Variants in MEGF11 observed in about 807,000 individuals in gnomAD.
The protein encoded by MEGF11 is multiple epidermal growth factor-like domains protein 11.
In MEGF11, 126 loss-of-function variants were observed where a neutral mutation model predicts 146.6. The observed-to-expected ratio is 0.86, with a 90% CI of 0.74 to 1.00. MEGF11 has a LOEUF of 1.00. Among genes scored for constraint, MEGF11 ranks in the 50% least tolerant of loss-of-function variants. The probability of loss-of-function intolerance (pLI) is 0.00; values close to 1 mark genes in which losing one functional copy is unlikely to be tolerated. For synonymous variants in MEGF11, 532 were observed against 583.4 expected, an observed-to-expected ratio of 0.91 and a Z score of 1.27; for missense variants, 1,509 against 1,521.2, an observed-to-expected ratio of 0.99 and a Z score of 0.13.
At chr15:66,094,114 G>A (rs1209448617) in intron 5 of MEGF11, among the ~76,000 whole-genome samples, 2 of 152,112 alleles carry the variant, frequency 1.3e-5, no homozygotes, top group Admixed American at 1.3e-4. Flanking sequence ...AACCATCAAA[G>A]ACCATATCTA....
Position 66,123,957 on chromosome 15 carries a change from G to C in MEGF11, c.142C>G (p.Gln48Glu). The C allele has an allele frequency of 6.2e-7, 1 of 1,614,002 alleles. No individual in the cohort carries two copies. Among genetic ancestry groups the C allele is most frequent in the Non-Finnish European group, 8.5e-7 (1 of 1,179,884 alleles). ...TCTGTGCATCGTGTGTAATAGATCTGATCGAAGGGGTGTGCATACGATTCC... is the reference window on the plus strand; with the variant it reads ...TCTGTGCATCGTGTGTAATAGATCTCATCGAAGGGGTGTGCATACGATTCC... Reference protein sequence around the residue: ...VQESYAHPFDQIYYTRCTDIL... With the variant: ...VQESYAHPFDEIYYTRCTDIL... Residue 48 changes from glutamine (Q) to glutamate (E), a missense_variant, in exon 3 of 26, where the codon CAG becomes GAG. Physicochemically the swap from Gln to Glu is conservative, Grantham distance 29. Transcript: ENST00000395614.
intron 9 of MEGF11, among the ~76,000 whole-genome samples, chr15:65,963,981 G>A (rs1301301511): frequency 6.6e-6 from 1 of 152,254 alleles, no homozygotes; most frequent in Non-Finnish European, 1.5e-5. Flanking sequence ...GCCAACAGCA[G>A]CAGCACCCAT....
At chr15:66,163,098 C>G (rs902371151) in intron 1 of MEGF11, among the ~76,000 whole-genome samples, 6 of 152,134 alleles carry the variant, frequency 3.9e-5, no homozygotes, top group Admixed American at 6.6e-5. Context: ...GATGCTGAGG[C>G]CTGCAACCCC....
At chr15:66,131,887 G>C (rs971403528) in intron 1 of MEGF11, among the ~76,000 whole-genome samples, 11 of 152,076 alleles carry the variant, frequency 7.2e-5, no homozygotes, top group African/African-American at 2.4e-4. Context: ...CCTGATGATA[G>C]CGGCTTAGGA....
intron 16 of MEGF11, among the ~76,000 whole-genome samples, chr15:65,917,320 C>T (rs1359621853): frequency 6.6e-6 from 1 of 152,128 alleles, no homozygotes; most frequent in Non-Finnish European, 1.5e-5. Flanking sequence ...TGGGGACTTT[C>T]CTAGGGCAGG....
intron 1 of MEGF11, among the ~76,000 whole-genome samples, chr15:66,160,719 AATTT>A (rs1283719401): frequency 2.7e-5 from 4 of 147,246 alleles, no homozygotes; most frequent in Admixed American, 6.7e-5. Flanking sequence ...TTGCCCTAGG[AATTT>A]ATTCCTGCCC....
intron 23 of MEGF11, among the ~76,000 whole-genome samples, chr15:65,906,413 C>G (rs1282541558): frequency 2.6e-5 from 4 of 152,196 alleles, no homozygotes; most frequent in Non-Finnish European, 5.9e-5. Flanking sequence ...ATTCAGCACT[C>G]CTTCCCTTTA....
chr15:66,171,774 C>G (rs1024638596), intron 1 of MEGF11, among the ~76,000 whole-genome samples: 14 of 151,924 alleles, frequency 9.2e-5, no homozygotes, highest in Admixed American at 2.6e-4. Context: ...CAGTTCCCCC[C>G]ACCCCCAGCG....
At position 65,992,450 on chromosome 15, in the gene MEGF11, T is replaced by TGTG. The variant is rs776847440; in HGVS notation, c.395-9963_395-9962insCAC. 1.6e-3 allele frequency among the ~76,000 whole-genome samples: 198 copies of TGTG among 126,622 alleles called. 2 individuals are homozygous for TGTG. Among genetic ancestry groups the TGTG allele is most frequent in the African/African-American group, 2.0e-3 (65 of 32,746 alleles). 83.1% of individuals were successfully genotyped at this position (126,622 alleles called of 152,430 possible). ...CCGTTTGTGCCTCTGTGTGTGTGTG[T>TGTG]GGGGGGGGGGGTTAGTCACATCCTG... On this transcript the variant is annotated intron_variant, in intron 5 of 25. Coordinates refer to ENST00000395614, the MANE Select transcript of MEGF11 (RefSeq NM_001385028.1).
In MEGF11 at chr15:65,895,538, A is replaced by G. The variant is rs990994872; in HGVS notation, c.*2396T>C. 1.3e-5 allele frequency: 2 copies of G among 152,648 alleles called. No individual in the cohort carries two copies. The highest frequency in any genetic ancestry group is 4.8e-5 in the African/African-American group (2 of 41,464). 9.5% of individuals were successfully genotyped at this position (152,648 alleles called of 1,614,324 possible). On this transcript the variant is annotated 3_prime_UTR_variant, in exon 26 of 26. Coordinates refer to ENST00000395614, the MANE Select transcript of MEGF11 (RefSeq NM_001385028.1). ...GTCACCCATAAAATGCACAGTATACATGTTTAGGCTGACCATGAACCTATT... is the reference window on the plus strand; with the variant it reads ...GTCACCCATAAAATGCACAGTATACGTGTTTAGGCTGACCATGAACCTATT...
chr15:66,163,924 G>A (rs1265672966), intron 1 of MEGF11, among the ~76,000 whole-genome samples: 1 of 152,186 alleles, frequency 6.6e-6, no homozygotes, highest in Non-Finnish European at 1.5e-5. Context: ...GTGGGTGGAG[G>A]GCAAGAGAGA....
rs116659601 is a variant in MEGF11 at position 66,070,763 on chromosome 15, G to A, written c.394+23639C>T. Among the ~76,000 whole-genome samples, 644 of 152,334 alleles carry A rather than the reference G, an allele frequency of 4.2e-3. 4 individuals are homozygous for A. The highest frequency in any genetic ancestry group is 0.015 in the African/African-American group (620 of 41,580). ...TCTGTGGAATGGGAATAACTTGCAA[G>A]GCTGTCGAGGAAGTGGGGGGATTAA... On this transcript the variant is annotated intron_variant, in intron 5 of 25. Transcript: ENST00000395614.
At chr15:66,123,377 G>A (rs1179790500) in intron 3 of MEGF11, among the ~76,000 whole-genome samples, 1 of 152,154 alleles carries the variant, frequency 6.6e-6, no homozygotes, top group East Asian at 1.9e-4. Flanking sequence ...TCAGGGCAGG[G>A]GGCTGTCTTA....
chr15:65,928,616 T>G, intron 12 of MEGF11, 89 bp from the exon 13 acceptor site: 1 of 887,898 alleles, frequency 1.1e-6, no homozygotes, highest in Non-Finnish European at 1.7e-6. Context: ...AATTTTTACT[T>G]TTGGAGGGTC....
intron 1 of MEGF11, among the ~76,000 whole-genome samples, chr15:66,190,375 C>T (rs578191940): frequency 7.9e-5 from 12 of 152,194 alleles, no homozygotes; most frequent in African/African-American, 2.4e-4. Context: ...TCACTAGGAC[C>T]GCAGGTGTGA....
intron 8 of MEGF11, among the ~76,000 whole-genome samples, chr15:65,965,895 G>A (rs536441557): frequency 5.9e-4 from 90 of 152,122 alleles, no homozygotes; most frequent in African/African-American, 2.0e-3. Flanking sequence ...AAGCACATTC[G>A]CACTGTTGTG....
At chr15:65,939,176 A>G (rs2141361287) in intron 10 of MEGF11, among the ~76,000 whole-genome samples, 1 of 152,282 alleles carries the variant, frequency 6.6e-6, no homozygotes, top group African/African-American at 2.4e-5. Flanking sequence ...AGGTGGCATG[A>G]GCCTGCCAGC....
intron 5 of MEGF11, among the ~76,000 whole-genome samples, chr15:66,087,589 G>T (rs1400165697): frequency 3.3e-5 from 5 of 152,156 alleles, no homozygotes; most frequent in Middle Eastern, 3.2e-3. Context: ...GGTCAAAAAT[G>T]AAATCAAGAT....
intron 10 of MEGF11, among the ~76,000 whole-genome samples, chr15:65,939,040 G>A (rs575350549): frequency 5.9e-5 from 9 of 152,298 alleles, no homozygotes; most frequent in Admixed American, 5.2e-4. Context: ...ATGGAAAGTG[G>A]TTGACCCTCC....
Sources: allele counts gnomAD v4.1 joint callset (sites outside exome capture counted in the v4.1 genomes callset), GRCh38; gene constraint gnomAD v4.1.1; transcripts MANE v1.5; gene names NCBI Gene and HGNC (gene_info 2026-07-23, HGNC 2026-07-21).